The following KIF9 variants were observed in gnomAD, a reference collection of about 807,000 sequenced individuals.
KIF9 encodes kinesin family member 9.
In KIF9, 68 loss-of-function variants were observed where a neutral mutation model predicts 94.8. That is an observed-to-expected ratio of 0.72 (90% CI 0.59 to 0.88). The LOEUF (loss-of-function observed/expected upper bound fraction) is 0.88. Ranked by LOEUF, KIF9 falls within the 40% of genes least tolerant of loss-of-function variation. The pLI is 0.00. For synonymous variants in KIF9, 343 were observed against 362.1 expected, an observed-to-expected ratio of 0.95 and a Z score of 0.60; for missense variants, 882 against 982.5, an observed-to-expected ratio of 0.90 and a Z score of 1.37.
At chr3:47,228,783 C>G (rs1474848840) in intron 20 of KIF9, 81 bp from the exon 21 acceptor site, 6 of 1,077,118 alleles carry the variant, frequency 5.6e-6, no homozygotes, top group African/African-American at 3.1e-5. Flanking sequence ...CACTCACATT[C>G]ACCCTATCAT....
At chr3:47,248,298 G>A (rs1575985305) in intron 10 of KIF9, 1 of 567,940 alleles carries the variant, frequency 1.8e-6, no homozygotes, top group East Asian at 3.0e-5. Context: ...GGGAGGACCT[G>A]AACAGTCCCC....
At chr3:47,241,797 A>ATC (rs1553616050) in intron 16 of KIF9, among the ~76,000 whole-genome samples, 4 of 81,772 alleles carry the variant, frequency 4.9e-5, no homozygotes, top group Non-Finnish European at 7.7e-5. Context: ...ACGTGTATAT[A>ATC]TGTATATATG....
chr3:47,261,783 A>G (rs929445018), intron 9 of KIF9, among the ~76,000 whole-genome samples: 1 of 152,194 alleles, frequency 6.6e-6, no homozygotes, highest in Admixed American at 6.5e-5. Context: ...CGAGCCCTCA[A>G]GAAGACGTCT....
intron 5 of KIF9, among the ~76,000 whole-genome samples, chr3:47,270,836 A>G (rs1417197254): frequency 1.3e-5 from 2 of 151,520 alleles, no homozygotes; most frequent in East Asian, 3.9e-4. Flanking sequence ...TTCCATTCTG[A>G]TAATCAAAGT....
At chr3:47,262,687 G>A (rs1253172250) in intron 9 of KIF9, among the ~76,000 whole-genome samples, 2 of 152,146 alleles carry the variant, frequency 1.3e-5, no homozygotes, top group Non-Finnish European at 1.5e-5. Context: ...CCAGGGTGCT[G>A]GATGTACGAC....
intron 1 of KIF9, chr3:47,280,822 G>A: frequency 1.5e-6 from 1 of 678,930 alleles, no homozygotes; most frequent in South Asian, 1.6e-5. Flanking sequence ...TGACACCATG[G>A]CTCCAAGCAG....
intron 4 of KIF9, among the ~76,000 whole-genome samples, chr3:47,272,548 T>C (rs1009746245): frequency 1.3e-5 from 2 of 152,162 alleles, no homozygotes; most frequent in African/African-American, 4.8e-5. Context: ...GTGCCCCAAG[T>C]ATAAAATATG....
At chr3:47,244,666 G>C in intron 15 of KIF9, 125 bp downstream of exon 15, 2 of 1,201,542 alleles carry the variant, frequency 1.7e-6, no homozygotes, top group Admixed American at 1.9e-5. Context: ...ATTGGCAGCA[G>C]TGACGTCCAT....
intron 1 of KIF9, among the ~76,000 whole-genome samples, chr3:47,280,059 C>T (rs1200361364): frequency 6.6e-6 from 1 of 152,088 alleles, no homozygotes; most frequent in Non-Finnish European, 1.5e-5. Context: ...CTCAAGCAAT[C>T]CTCCCACCTC....
chr3:47,255,439 T>C (rs931277984), intron 10 of KIF9, among the ~76,000 whole-genome samples: 1 of 152,040 alleles, frequency 6.6e-6, no homozygotes, highest in African/African-American at 2.4e-5. Context: ...CATAGCGAGG[T>C]GATTCTGAAA....
intron 4 of KIF9, 45 bp downstream of exon 4, chr3:47,273,507 G>C (rs377044449): frequency 5.7e-5 from 83 of 1,450,768 alleles, no homozygotes; most frequent in Non-Finnish European, 7.7e-5. Context: ...CTATGGCAGA[G>C]AGAGGGAACC....
At chr3:47,260,382 T>C (rs527623116) in intron 9 of KIF9, among the ~76,000 whole-genome samples, 195 of 152,112 alleles carry the variant, frequency 1.3e-3, no homozygotes, top group African/African-American at 4.6e-3. Context: ...TGAACGCTGG[T>C]TCCCCAGGTC....
intron 17 of KIF9, 49 bp downstream of exon 17, chr3:47,240,752 A>G (rs1453395779): frequency 1.3e-6 from 2 of 1,504,990 alleles, no homozygotes; most frequent in South Asian, 2.3e-5. Context: ...TTCAACCAGC[A>G]TGACTCTGAG....
intron 1 of KIF9, chr3:47,282,103 G>T: frequency 1.3e-6 from 1 of 766,226 alleles, no homozygotes; most frequent in Non-Finnish European, 1.6e-6. Context: ...GTGGGCTTTG[G>T]ACCCATTCCG....
intron 20 of KIF9, among the ~76,000 whole-genome samples, chr3:47,233,747 C>T (rs1392402165): frequency 6.6e-6 from 1 of 151,764 alleles, no homozygotes; most frequent in Non-Finnish European, 1.5e-5. Flanking sequence ...TAGGTTGACA[C>T]AGCATGATCT....
At chr3:47,276,380 AC>A (rs1701966777) in intron 2 of KIF9, among the ~76,000 whole-genome samples, 1 of 151,670 alleles carries the variant, frequency 6.6e-6, no homozygotes, top group South Asian at 2.1e-4. Context: ...ACATGGCAAA[AC>A]CCCGTCTCTA....
intron 10 of KIF9, among the ~76,000 whole-genome samples, chr3:47,248,589 A>G (rs1266610397): frequency 6.6e-6 from 1 of 151,246 alleles, no homozygotes; most frequent in Non-Finnish European, 1.5e-5. Context: ...ATTACAGGTG[A>G]CCGCCACCAC....
chr3:47,228,590 C>A lies in KIF9; in HGVS notation c.*62G>T. The A allele has an allele frequency of 7.3e-7, 1 of 1,366,884 alleles. No individual in the cohort carries two copies. 84.7% of individuals were successfully genotyped at this position (1,366,884 alleles called of 1,614,324 possible). ...CTGCAGCTCTGGGCAGGTGGTTGAG[C>A]AGCTCCACTACAGTAGGTGGGAGTT... is the stretch of plus-strand genomic sequence containing the variant. On this transcript the variant is annotated 3_prime_UTR_variant, in exon 21 of 21. Transcript: ENST00000684063.
rs766235035 is a variant in KIF9, at chr3:47,243,246, C to T, written c.1515-1G>A. 8.7e-6 allele frequency: 14 copies of T among 1,606,076 alleles called. No individual in the cohort carries two copies. The highest frequency in any genetic ancestry group is 1.2e-5 in the Non-Finnish European group (14 of 1,174,650). ...GGCACCTTCCTTTCTTGCCAAGGAG[C>T]TGGAAGAAGGCACGGAAGCCCCAGG... On this transcript the variant is annotated splice_acceptor_variant, in intron 15 of 20. Coordinates refer to ENST00000684063, the MANE Select transcript of KIF9 (RefSeq NM_182902.4). LOFTEE classifies it high-confidence loss of function.
Sources: allele counts gnomAD v4.1 joint callset (sites outside exome capture counted in the v4.1 genomes callset), GRCh38; gene constraint gnomAD v4.1.1; transcripts MANE v1.5; gene names NCBI Gene and HGNC (gene_info 2026-07-23, HGNC 2026-07-21).